Variants in PDE1C observed in about 807,000 individuals in gnomAD.
PDE1C encodes dual specificity calcium/calmodulin-dependent 3',5'-cyclic nucleotide phosphodiesterase 1C.
In PDE1C, 62 loss-of-function variants were observed where a neutral mutation model predicts 93.1. The ratio of observed to expected loss-of-function variants is 0.67; its 90% CI spans 0.54 to 0.82. PDE1C has a LOEUF of 0.82. PDE1C is among the 40% of genes least tolerant of loss of function. The pLI is 0.00. For missense variants in PDE1C, 742 were observed against 884.6 expected (o/e 0.84, Z 2.04); for synonymous variants, 325 against 310.1 (o/e 1.05, Z -0.50).
At chr7:32,122,168 C>T (rs1324916937) in intron 3 of PDE1C, among the ~76,000 whole-genome samples, 1 of 152,186 alleles carries the variant, frequency 6.6e-6, no homozygotes, top group African/African-American at 2.4e-5. Flanking sequence ...ACAAGAAGAG[C>T]TAACTATCCT....
intron 3 of PDE1C, among the ~76,000 whole-genome samples, chr7:32,137,341 A>G (rs967319181): frequency 3.9e-5 from 6 of 152,358 alleles, no homozygotes; most frequent in Non-Finnish European, 5.9e-5. Context: ...TGATTCCTCA[A>G]GGGCTGTGCG....
intron 1 of PDE1C, among the ~76,000 whole-genome samples, chr7:32,341,659 A>C (rs1418052684): frequency 2.0e-5 from 3 of 152,094 alleles, no homozygotes; most frequent in African/African-American, 7.2e-5. Flanking sequence ...GCTGAGTCTG[A>C]GTTTCCCAGG....
chr7:31,832,241 A>G (rs1790509492), intron 11 of PDE1C, among the ~76,000 whole-genome samples: 1 of 152,226 alleles, frequency 6.6e-6, no homozygotes, highest in African/African-American at 2.4e-5. Flanking sequence ...AAAGAATTGT[A>G]AGAGATGTTT....
the PDE1C span, among the ~76,000 whole-genome samples, chr7:31,725,706 A>C: frequency 2.0e-5 from 3 of 152,202 alleles, no homozygotes; most frequent in Admixed American, 6.5e-5. Flanking sequence ...ACTGGGGGAA[A>C]CTGGGTGAAG....
At chr7:31,745,868 T>C in the PDE1C span, among the ~76,000 whole-genome samples, 207 of 152,334 alleles carry the variant, frequency 1.4e-3, 2 homozygotes, top group Non-Finnish European at 2.2e-3. Flanking sequence ...TGGCTTAGAA[T>C]ATTTGAATTC....
chr7:31,794,047 GACAGACA>G (rs1784937162), intron 16 of PDE1C, among the ~76,000 whole-genome samples: 8 of 129,522 alleles, frequency 6.2e-5, no homozygotes, highest in South Asian at 2.6e-4. Flanking sequence ...TAGATAGACA[GACAGACA>G]GACAGACAGA....
chr7:31,907,151 T>A (rs1356805370), intron 2 of PDE1C, among the ~76,000 whole-genome samples: 1 of 151,902 alleles, frequency 6.6e-6, no homozygotes, highest in Admixed American at 6.6e-5. Context: ...TCTGACCCTA[T>A]AGGTAAATGC....
the PDE1C span, among the ~76,000 whole-genome samples, chr7:31,723,975 A>C: frequency 6.6e-6 from 1 of 151,912 alleles, no homozygotes. Flanking sequence ...TCTTACTTCT[A>C]TATCATCTCA....
Position 32,323,798 on chromosome 7 carries a change from T to G in PDE1C, c.310+104024A>C, listed in dbSNP as rs1289352683. 3.3e-5 allele frequency among the ~76,000 whole-genome samples: 5 copies of G among 152,310 alleles called. No individual in the cohort carries two copies. The East Asian group carries it at 9.6e-4, about 29-fold the overall frequency. On this transcript the variant is annotated intron_variant, in intron 1 of 1. Coordinates refer to the PDE1C transcript ENST00000672256. ...AGAAAGTCCAGAGAGCCTTTGGTGT[T>G]AGCTCTCCGTCCCAACCCACTGAAA...
At chr7:32,294,481 T>C (rs1391262580) in intron 1 of PDE1C, among the ~76,000 whole-genome samples, 1 of 152,184 alleles carries the variant, frequency 6.6e-6, no homozygotes, top group African/African-American at 2.4e-5. Context: ...AGGGAAATGA[T>C]GGGCCCTCCC....
At chr7:32,221,548 G>T (rs2215196) in intron 1 of PDE1C, among the ~76,000 whole-genome samples, 150,367 of 152,292 alleles carry the variant, frequency 0.99, 74,274 homozygotes, top group Middle Eastern at 1. Flanking sequence ...TCTGCATTTC[G>T]AACAAACTCT....
chr7:32,151,349 A>G (rs1801243661), intron 3 of PDE1C, among the ~76,000 whole-genome samples: 1 of 152,190 alleles, frequency 6.6e-6, no homozygotes, highest in African/African-American at 2.4e-5. Flanking sequence ...CTAATTTCCT[A>G]GCCTTTATGA....
At chr7:32,360,249 C>T (rs1011563713) in intron 1 of PDE1C, among the ~76,000 whole-genome samples, 22 of 152,126 alleles carry the variant, frequency 1.4e-4, no homozygotes, top group African/African-American at 5.1e-4. Context: ...ATTGTCTTTG[C>T]GATCTATAAA....
At chr7:32,098,186 C>T (rs1797861771) in intron 3 of PDE1C, among the ~76,000 whole-genome samples, 1 of 132,634 alleles carries the variant, frequency 7.5e-6, no homozygotes. Flanking sequence ...GCCGAGATCG[C>T]GCCACTGCAC....
the PDE1C span, among the ~76,000 whole-genome samples, chr7:31,688,520 T>C: frequency 6.6e-6 from 1 of 152,250 alleles, no homozygotes; most frequent in South Asian, 2.1e-4. Flanking sequence ...CTTTCTGCAA[T>C]ATAGTGGGGT....
the PDE1C span, among the ~76,000 whole-genome samples, chr7:31,716,336 T>A: frequency 6.6e-6 from 1 of 152,124 alleles, no homozygotes; most frequent in Non-Finnish European, 1.5e-5. Context: ...AGGTAGAGAG[T>A]ACTAAGAGTT....
At chr7:32,338,066 T>G (rs2128079049) in intron 1 of PDE1C, among the ~76,000 whole-genome samples, 1 of 152,280 alleles carries the variant, frequency 6.6e-6, no homozygotes, top group South Asian at 2.1e-4. Context: ...TGGCAATGAT[T>G]CCTTAGATAT....
At chr7:32,343,825 AT>A (rs5883339) in intron 1 of PDE1C, among the ~76,000 whole-genome samples, 121,765 of 152,140 alleles carry the variant, frequency 0.8, 49,080 homozygotes, top group Admixed American at 0.85. Context: ...ATAGGCCAGT[AT>A]TTTTATCTTT....
rs981202314 is a variant in PDE1C, at chr7:32,341,787, T to C, written c.310+86035A>G. The stretch of plus-strand genomic sequence containing the variant: ...CTCACAGCCAAGGCCAGCTCAAGGC[T>C]GTTTGCATGAGGTCATGTAGCTTGG... On this transcript the variant is annotated intron_variant, in intron 1 of 1. Coordinates refer to the PDE1C transcript ENST00000672256. Among the ~76,000 whole-genome samples the C allele has an allele frequency of 6.6e-5, 10 of 152,342 alleles. No individual in the cohort carries two copies. The East Asian group carries it at 1.9e-3, about 29-fold the overall frequency.
Sources: gnomAD v4.1 joint callset for allele counts (sites outside exome capture counted in the v4.1 genomes callset) on GRCh38, gnomAD v4.1.1 for gene constraint, MANE v1.5 for transcripts, NCBI Gene and HGNC (gene_info 2026-07-23, HGNC 2026-07-21) for gene names.